The following GULP1 variants were observed in gnomAD, a reference collection of about 807,000 sequenced individuals.
GULP1 encodes the protein GULP PTB domain containing engulfment adaptor 1.
A neutral mutation model predicts 40.9 loss-of-function variants in GULP1; 19 were observed. That is an observed-to-expected ratio of 0.46 (90% confidence interval 0.32 to 0.68). GULP1 has a LOEUF of 0.68. GULP1 is among the 30% of genes least tolerant of loss of function. The pLI, the probability that GULP1 is intolerant of heterozygous loss-of-function variation, is 0.03. For missense variants in GULP1, 312 were observed against 362.2 expected (o/e 0.86, Z 1.12); for synonymous variants, 119 against 117.6 (o/e 1.01, Z -0.08).
chr2:188,519,591 T>G (rs771180813), intron 4 of GULP1, among the ~76,000 whole-genome samples: 1 of 152,228 alleles, frequency 6.6e-6, no homozygotes, highest in Non-Finnish European at 1.5e-5. Flanking sequence ...CCCAGGGATG[T>G]ATTCAGAACT....
chr2:188,302,438 A>G (rs1195618320), intron 1 of GULP1, among the ~76,000 whole-genome samples: 1 of 152,198 alleles, frequency 6.6e-6, no homozygotes, highest in Non-Finnish European at 1.5e-5. Flanking sequence ...AAATATACAT[A>G]AAGAAATATT....
chr2:188,398,979 C>T (rs1439371276), intron 2 of GULP1, among the ~76,000 whole-genome samples: 1 of 152,140 alleles, frequency 6.6e-6, no homozygotes, highest in African/African-American at 2.4e-5. Context: ...CATAGTTTAT[C>T]AGTTAGGTAG....
At chr2:188,446,391 A>G (rs1346224776) in intron 2 of GULP1, among the ~76,000 whole-genome samples, 2 of 152,168 alleles carry the variant, frequency 1.3e-5, no homozygotes, top group South Asian at 2.1e-4. Flanking sequence ...AGACCCTATT[A>G]TGCAAACCGC....
chr2:188,496,042 C>T (rs2062862417), intron 4 of GULP1, among the ~76,000 whole-genome samples: 3 of 152,056 alleles, frequency 2.0e-5, no homozygotes, highest in African/African-American at 7.2e-5. Flanking sequence ...CCCTGTCTCC[C>T]AAGCAGATTT....
intron 2 of GULP1, among the ~76,000 whole-genome samples, chr2:188,396,195 G>A (rs2051234829): frequency 6.6e-6 from 1 of 152,176 alleles, no homozygotes; most frequent in Admixed American, 6.5e-5. Context: ...GAAGTACTCT[G>A]GTTTCTTAGG....
intron 2 of GULP1, among the ~76,000 whole-genome samples, chr2:188,464,790 A>G (rs1490988980): frequency 6.6e-6 from 1 of 152,182 alleles, no homozygotes; most frequent in African/African-American, 2.4e-5. Flanking sequence ...GGCCACTGCC[A>G]CTTCAGGCCT....
rs555585308 is a variant in GULP1 at position 188,487,609 on chromosome 2, G to C, written c.90+4117G>C. Among the ~76,000 whole-genome samples, 270 of 133,418 alleles carry C rather than the reference G, an allele frequency of 2.0e-3. 1 individual carries two copies. Among genetic ancestry groups the C allele is most frequent in the African/African-American group, 6.9e-3 (250 of 35,974 alleles). The allele number at this position is 133,418 out of a possible 152,430, so 87.5% of individuals were successfully genotyped here. On this transcript the variant is annotated intron_variant, in intron 4 of 11. Coordinates refer to ENST00000409830, the MANE Select transcript of GULP1 (RefSeq NM_016315.4). ...TCATGTCGTTATCTTCTAAACTATG[G>C]AACATCTTAAAATCAAATATAGAAA... is the stretch of plus-strand genomic sequence containing the variant.
intron 2 of GULP1, among the ~76,000 whole-genome samples, chr2:188,392,992 G>C (rs1405059376): frequency 6.6e-6 from 1 of 152,008 alleles, no homozygotes; most frequent in Non-Finnish European, 1.5e-5. Context: ...GAATTGTTCT[G>C]TGGCCTACCA....
At chr2:188,524,419 G>A (rs1236761642) in intron 5 of GULP1, among the ~76,000 whole-genome samples, 1 of 151,964 alleles carries the variant, frequency 6.6e-6, no homozygotes, top group Non-Finnish European at 1.5e-5. Context: ...GTTTAAAAAT[G>A]CACACTTATT....
intron 1 of GULP1, among the ~76,000 whole-genome samples, chr2:188,305,602 C>T (rs1021764447): frequency 2.0e-5 from 3 of 152,182 alleles, no homozygotes; most frequent in Non-Finnish European, 4.4e-5. Context: ...AGCATTATAA[C>T]AAGGACTATG....
chr2:188,563,598 G>A (rs1182889001), intron 7 of GULP1, among the ~76,000 whole-genome samples: 1 of 146,920 alleles, frequency 6.8e-6, no homozygotes, highest in Non-Finnish European at 1.5e-5. Context: ...CTAAATATTT[G>A]GCCCACATAT....
intron 2 of GULP1, among the ~76,000 whole-genome samples, chr2:188,407,814 A>T (rs1207517157): frequency 6.6e-6 from 1 of 152,224 alleles, no homozygotes; most frequent in Non-Finnish European, 1.5e-5. Flanking sequence ...TTGAATGTTA[A>T]TGGATTAAAT....
intron 4 of GULP1, among the ~76,000 whole-genome samples, chr2:188,510,699 T>C (rs1365485931): frequency 6.6e-6 from 1 of 151,732 alleles, no homozygotes; most frequent in Non-Finnish European, 1.5e-5. Flanking sequence ...ATCCCACTTG[T>C]CTCATGTTAT....
chr2:188,547,860 A>G (rs1575977817), intron 7 of GULP1, among the ~76,000 whole-genome samples: 9 of 152,124 alleles, frequency 5.9e-5, no homozygotes, highest in Admixed American at 5.2e-4. Context: ...AATCAACCAC[A>G]TGGAAAATCT....
chr2:188,515,696 T>TACAC, intron 4 of GULP1, among the ~76,000 whole-genome samples: 1 of 143,756 alleles, frequency 7.0e-6, no homozygotes, highest in Non-Finnish European at 1.5e-5. Flanking sequence ...CATACACACT[T>TACAC]ACACACACAG....
intron 9 of GULP1, among the ~76,000 whole-genome samples, chr2:188,571,961 C>T (rs1186599504): frequency 4.6e-5 from 7 of 152,132 alleles, no homozygotes; most frequent in Non-Finnish European, 7.3e-5. Context: ...ACCTCTTTAT[C>T]TGAGGAAGAA....
At chr2:188,440,591 G>A (rs1470980319) in intron 2 of GULP1, among the ~76,000 whole-genome samples, 1 of 152,088 alleles carries the variant, frequency 6.6e-6, no homozygotes, top group East Asian at 1.9e-4. Flanking sequence ...TTGAGACAGA[G>A]TCTTGCTTTG....
At chr2:188,523,476 G>T (rs1051926050) in intron 5 of GULP1, among the ~76,000 whole-genome samples, 2 of 152,092 alleles carry the variant, frequency 1.3e-5, no homozygotes, top group Admixed American at 6.6e-5. Context: ...GGACATTGTT[G>T]TCACTGAGCT....
At chr2:188,532,111 T>C (rs1161245903) in intron 6 of GULP1, among the ~76,000 whole-genome samples, 2 of 152,220 alleles carry the variant, frequency 1.3e-5, no homozygotes, top group African/African-American at 4.8e-5. Context: ...ACTTTATGTA[T>C]CATTTTCGTA....
Sources: allele counts gnomAD v4.1 joint callset (sites outside exome capture counted in the v4.1 genomes callset), GRCh38; gene constraint gnomAD v4.1.1; transcripts MANE v1.5; gene names NCBI Gene and HGNC (gene_info 2026-07-23, HGNC 2026-07-21).